Variants in CEP135 observed in about 807,000 individuals in gnomAD.
The protein encoded by CEP135 is centrosomal protein 135.
In CEP135, 142 loss-of-function variants were observed where a neutral mutation model predicts 157.3. The observed-to-expected ratio is 0.90, with a 90% CI of 0.79 to 1.04. CEP135 has a LOEUF of 1.04. Ranked by LOEUF, CEP135 falls within the 50% of genes least tolerant of loss-of-function variation. The pLI is 0.00. For synonymous variants in CEP135, 396 were observed against 439.8 expected, an observed-to-expected ratio of 0.90 and a Z score of 1.25; for missense variants, 1,317 against 1,309.2, an observed-to-expected ratio of 1.01 and a Z score of -0.09.
intron 15 of CEP135, among the ~76,000 whole-genome samples, chr4:55,995,152 C>G (rs1253283778): frequency 6.6e-6 from 1 of 152,156 alleles, no homozygotes; most frequent in Non-Finnish European, 1.5e-5. Context: ...TACCCCAGAT[C>G]AAAGCTACAG....
At chr4:55,970,856 T>C (rs1241606850) in intron 9 of CEP135, among the ~76,000 whole-genome samples, 1 of 152,210 alleles carries the variant, frequency 6.6e-6, no homozygotes, top group East Asian at 1.9e-4. Flanking sequence ...GTCCTGGTCT[T>C]ATTATCCTTG....
chr4:55,984,212 A>G (rs950759142), intron 13 of CEP135, among the ~76,000 whole-genome samples: 1 of 152,130 alleles, frequency 6.6e-6, no homozygotes, highest in Non-Finnish European at 1.5e-5. Flanking sequence ...CTCTAAACTC[A>G]TCTCCCCTGT....
rs146420984 is a variant in CEP135, at chr4:55,965,807, G to C, written c.992G>C (p.Arg331Thr). The C allele has an allele frequency of 8.8e-5, 142 of 1,613,632 alleles. No individual in the cohort carries two copies. The highest frequency in any genetic ancestry group is 2.0e-4 in the Admixed American group (12 of 60,002). Residue 331 changes from arginine (R) to threonine (T), a missense_variant, in exon 8 of 26, where the codon AGA becomes ACA. Arg to Thr is a moderately conservative substitution (Grantham distance 71). Transcript: ENST00000257287. ...GATCAGTTAGCACAGCAGTTGGAAA[G>C]ACATAAAGAAGAAGTGCTTGAGACT... Reference protein sequence around the residue: ...EIDQLAQQLERHKEEVLETAD... With the variant: ...EIDQLAQQLETHKEEVLETAD...
intron 7 of CEP135, chr4:55,965,254 A>C (rs532071781): frequency 1.3e-5 from 2 of 153,908 alleles, no homozygotes; most frequent in African/African-American, 4.8e-5. Flanking sequence ...AATCCTGTGT[A>C]TATTTTACAG....
chr4:55,963,484 G>A (rs573862020), intron 6 of CEP135, among the ~76,000 whole-genome samples: 4 of 152,144 alleles, frequency 2.6e-5, no homozygotes, highest in Non-Finnish European at 5.9e-5. Flanking sequence ...GGTGGCTCAC[G>A]CCTATAATCC....
At chr4:55,974,603 T>C in intron 10 of CEP135, 143 bp from the exon 11 acceptor site, 1 of 597,664 alleles carries the variant, frequency 1.7e-6, no homozygotes, top group South Asian at 2.9e-5. Flanking sequence ...ACCTCTTCAA[T>C]AGATTTGGTA....
chr4:55,975,934 G>C (rs934639928), intron 11 of CEP135, among the ~76,000 whole-genome samples: 5 of 152,088 alleles, frequency 3.3e-5, no homozygotes, highest in Admixed American at 2.0e-4. Context: ...ACTGTTGTCA[G>C]TGTAAGCACT....
In CEP135 at chr4:55,990,072, T is replaced by C. The variant is rs562731838; in HGVS notation, c.1858-1862T>C. On this transcript the variant is annotated intron_variant, in intron 14 of 25. Transcript: ENST00000257287. ...GGTGACTGATCCATCTTCTTTTTTCTTGTAAATTTTTTTCCTTTTGTTAGT... is the reference window on the plus strand; with the variant it reads ...GGTGACTGATCCATCTTCTTTTTTCCTGTAAATTTTTTTCCTTTTGTTAGT... Among the ~76,000 whole-genome samples, 15 of 152,368 alleles carry C rather than the reference T, an allele frequency of 9.8e-5. No homozygotes were observed. In the East Asian group the frequency reaches 2.7e-3, roughly 27 times the overall value.
intron 4 of CEP135, among the ~76,000 whole-genome samples, chr4:55,956,616 C>T (rs1560396929): frequency 6.8e-6 from 1 of 146,680 alleles, no homozygotes; most frequent in East Asian, 2.0e-4. Flanking sequence ...GCACATTCAG[C>T]TTTTTTTTTT....
At chr4:56,026,856 A>G (rs552923240) in intron 25 of CEP135, among the ~76,000 whole-genome samples, 91 of 152,352 alleles carry the variant, frequency 6.0e-4, no homozygotes, top group African/African-American at 2.2e-3. Context: ...TGGAAAATGC[A>G]TACTCATTGA....
rs1186189365 is a variant in CEP135 at position 56,011,956 on chromosome 4, G to A, written c.2773G>A (p.Val925Met). ...DTERRHLRERVELLEKEIQEH... is the reference protein window; with the variant it reads ...DTERRHLRERMELLEKEIQEH... Reference sequence around the variant, plus strand: ...TGAGAGGAGACATCTTCGAGAAAGAGTGGAGCTATTAGAAAAAGAAATTCA... The same window carrying A: ...TGAGAGGAGACATCTTCGAGAAAGAATGGAGCTATTAGAAAAAGAAATTCA... Residue 925 changes from valine (V) to methionine (M), a missense_variant, in exon 21 of 26, where the codon GTG (valine) becomes ATG (methionine). Coordinates refer to ENST00000257287, the MANE Select transcript of CEP135 (RefSeq NM_025009.5). The A allele has an allele frequency of 6.4e-7, 1 of 1,559,988 alleles. No individual in the cohort carries two copies. Among genetic ancestry groups the A allele is most frequent in the Non-Finnish European group, 8.6e-7 (1 of 1,156,956 alleles).
intron 7 of CEP135, chr4:55,965,320 T>C (rs1728807717): frequency 5.5e-6 from 1 of 182,754 alleles, no homozygotes; most frequent in Non-Finnish European, 1.1e-5. Flanking sequence ...TAGCCACATG[T>C]GGTTGCTAGA....
chr4:56,020,383 G>A (rs1421619644), intron 23 of CEP135, among the ~76,000 whole-genome samples: 3 of 152,116 alleles, frequency 2.0e-5, no homozygotes, highest in Non-Finnish European at 2.9e-5. Flanking sequence ...TCTTTCCAAG[G>A]CAAGAGTCAA....
rs1420617144 is a variant in CEP135, at chr4:55,965,878, A to G, written c.1044+19A>G. ...AGCAAAGGTAATGAATGATATGTGTAGATTGTGAGAGTGTTCATTAATTCT... is the reference window on the plus strand; with the variant it reads ...AGCAAAGGTAATGAATGATATGTGTGGATTGTGAGAGTGTTCATTAATTCT... On this transcript the variant is annotated intron_variant, in intron 8 of 25. Coordinates refer to ENST00000257287, the MANE Select transcript of CEP135 (RefSeq NM_025009.5). 1 of 1,566,610 alleles carries G rather than the reference A, an allele frequency of 6.4e-7. No homozygotes were observed. The highest frequency in any genetic ancestry group is 1.4e-5 in the African/African-American group (1 of 73,812).
At chr4:55,965,546 A>C in intron 7 of CEP135, 98 bp from the exon 8 acceptor site, 1 of 797,550 alleles carries the variant, frequency 1.3e-6, no homozygotes, top group Non-Finnish European at 1.9e-6. Flanking sequence ...AATCTTCAAT[A>C]ATTTTTAAAA....
chr4:55,971,180 T>C, intron 9 of CEP135, 90 bp from the exon 10 acceptor site: 2 of 949,318 alleles, frequency 2.1e-6, no homozygotes, highest in South Asian at 4.0e-5. Context: ...AAATTGCTGT[T>C]ATATAAATGT....
intron 8 of CEP135, 59 bp from the exon 9 acceptor site, chr4:55,969,004 A>G (rs893225427): frequency 1.5e-6 from 2 of 1,291,874 alleles, no homozygotes; most frequent in South Asian, 1.3e-5. Context: ...ATCTATTTGC[A>G]TATGACTTAA....
intron 19 of CEP135, among the ~76,000 whole-genome samples, chr4:56,010,178 C>A (rs568037600): frequency 4.4e-4 from 19 of 42,766 alleles, no homozygotes; most frequent in African/African-American, 2.1e-3. Flanking sequence ...TGTGAAAACC[C>A]CCCCCCCACC....
At chr4:56,027,801 C>T (rs565062975) in intron 25 of CEP135, among the ~76,000 whole-genome samples, 2 of 152,058 alleles carry the variant, frequency 1.3e-5, no homozygotes, top group East Asian at 1.9e-4. Context: ...GCAATCCTCC[C>T]GCCTCAGCCT....
Sources: gnomAD v4.1 joint callset for allele counts (sites outside exome capture counted in the v4.1 genomes callset) on GRCh38, gnomAD v4.1.1 for gene constraint, MANE v1.5 for transcripts, NCBI Gene and HGNC (gene_info 2026-07-23, HGNC 2026-07-21) for gene names.